Variants in CNTNAP2 observed in about 807,000 individuals in gnomAD.
The protein encoded by CNTNAP2 is contactin associated protein 2.
Under a neutral mutation model 155.2 loss-of-function variants are expected in CNTNAP2, and 98 were observed. That is an observed-to-expected ratio of 0.63 (90% confidence interval 0.54 to 0.75). The LOEUF (loss-of-function observed/expected upper bound fraction) is 0.75, where lower values mean the gene tolerates loss of function less well. Among genes scored for constraint, CNTNAP2 ranks in the 30% least tolerant of loss-of-function variants. CNTNAP2 has a pLI of 0.00. For missense variants in CNTNAP2, 1,727 were observed against 1,688.1 expected (o/e 1.02, Z -0.40); for synonymous variants, 651 against 631.2 (o/e 1.03, Z -0.47).
chr7:147,191,110 G>A (rs1037842007), intron 8 of CNTNAP2, among the ~76,000 whole-genome samples: 1 of 152,158 alleles, frequency 6.6e-6, no homozygotes, highest in Non-Finnish European at 1.5e-5. Flanking sequence ...TAGAATCATA[G>A]AGACAGGGTG....
At chr7:146,368,862 A>G (rs1343357736) in intron 1 of CNTNAP2, among the ~76,000 whole-genome samples, 3 of 150,420 alleles carry the variant, frequency 2.0e-5, no homozygotes, top group African/African-American at 7.3e-5. Context: ...ATATATATAT[A>G]TATAGATGCT....
chr7:147,136,371 G>A (rs1485212998), intron 8 of CNTNAP2, among the ~76,000 whole-genome samples: 1 of 151,930 alleles, frequency 6.6e-6, no homozygotes, highest in Non-Finnish European at 1.5e-5. Context: ...TCGAATGGCT[G>A]TTCAGTGTCC....
intron 4 of CNTNAP2, among the ~76,000 whole-genome samples, chr7:147,070,602 A>C (rs1333891588): frequency 6.6e-6 from 1 of 152,162 alleles, no homozygotes; most frequent in Admixed American, 6.5e-5. Flanking sequence ...TATATAGCCT[A>C]CCTGTGGTTC....
intron 21 of CNTNAP2, among the ~76,000 whole-genome samples, chr7:148,373,262 C>G (rs1167749784): frequency 6.6e-6 from 1 of 152,004 alleles, no homozygotes; most frequent in Non-Finnish European, 1.5e-5. Flanking sequence ...TCGAGACCAG[C>G]CTGGCCAACG....
At chr7:146,967,193 G>C (rs1291944685) in intron 3 of CNTNAP2, among the ~76,000 whole-genome samples, 1 of 152,092 alleles carries the variant, frequency 6.6e-6, no homozygotes, top group Non-Finnish European at 1.5e-5. Flanking sequence ...GATGTCAGGT[G>C]GAAAATATGA....
chr7:147,137,220 A>T (rs1027149086), intron 8 of CNTNAP2, among the ~76,000 whole-genome samples: 5 of 151,324 alleles, frequency 3.3e-5, no homozygotes, highest in African/African-American at 1.2e-4. Flanking sequence ...ATGTCATTAT[A>T]AATCACATTT....
intron 12 of CNTNAP2, among the ~76,000 whole-genome samples, chr7:147,598,524 A>G (rs564018600): frequency 2.0e-5 from 3 of 152,138 alleles, no homozygotes; most frequent in African/African-American, 7.2e-5. Flanking sequence ...ATTCTTTTTT[A>G]TGGCTGCATA....
At chr7:148,212,482 A>G (rs1795567859) in intron 18 of CNTNAP2, among the ~76,000 whole-genome samples, 1 of 152,204 alleles carries the variant, frequency 6.6e-6, no homozygotes. Flanking sequence ...TTTTTCTATC[A>G]AAAATGATTA....
chr7:146,168,501 G>T (rs1214684925), intron 1 of CNTNAP2, among the ~76,000 whole-genome samples: 2 of 151,998 alleles, frequency 1.3e-5, no homozygotes, highest in African/African-American at 4.8e-5. Flanking sequence ...TCCCAACCCT[G>T]CCCCTGTATG....
intron 13 of CNTNAP2, among the ~76,000 whole-genome samples, chr7:147,836,783 G>T (rs1447446226): frequency 6.6e-6 from 1 of 152,172 alleles, no homozygotes; most frequent in Non-Finnish European, 1.5e-5. Flanking sequence ...ATAGTATTTA[G>T]CCTTGGATGG....
At chr7:148,299,135 C>T (rs896023917) in intron 21 of CNTNAP2, among the ~76,000 whole-genome samples, 38 of 152,052 alleles carry the variant, frequency 2.5e-4, no homozygotes, top group South Asian at 2.1e-4. Flanking sequence ...GGACTACAGG[C>T]GCCCACGACC....
chr7:146,364,372 A>G (rs1477756466), intron 1 of CNTNAP2, among the ~76,000 whole-genome samples: 2 of 152,200 alleles, frequency 1.3e-5, no homozygotes, highest in African/African-American at 2.4e-5. Flanking sequence ...TATGCAACTC[A>G]CTGCTGACAG....
chr7:147,112,581 G>C (rs1800903089), intron 5 of CNTNAP2, among the ~76,000 whole-genome samples: 2 of 152,068 alleles, frequency 1.3e-5, no homozygotes, highest in African/African-American at 4.8e-5. Context: ...TAATATAAAG[G>C]GATGTTGAAT....
chr7:147,599,339 A>G (rs1400904283), intron 12 of CNTNAP2, among the ~76,000 whole-genome samples: 1 of 151,822 alleles, frequency 6.6e-6, no homozygotes, highest in Non-Finnish European at 1.5e-5. Flanking sequence ...AAAATTAAAA[A>G]AAAAAATTAG....
At chr7:148,358,419 T>C (rs958763130) in intron 21 of CNTNAP2, among the ~76,000 whole-genome samples, 1 of 151,908 alleles carries the variant, frequency 6.6e-6, no homozygotes, top group Non-Finnish European at 1.5e-5. Context: ...TTGAGGGAAA[T>C]GGGAGACGGG....
intron 10 of CNTNAP2, among the ~76,000 whole-genome samples, chr7:147,476,230 C>T (rs1454307847): frequency 6.6e-6 from 1 of 152,054 alleles, no homozygotes; most frequent in Non-Finnish European, 1.5e-5. Context: ...CTCAGCCTCC[C>T]GAGTAGCTGG....
chr7:146,248,561 A>T (rs902676879), intron 1 of CNTNAP2, among the ~76,000 whole-genome samples: 5 of 152,256 alleles, frequency 3.3e-5, no homozygotes, highest in African/African-American at 1.2e-4. Context: ...AAAGGAATTG[A>T]AATTAAAAGA....
chr7:146,589,930 G>A (rs1055064218), intron 1 of CNTNAP2, among the ~76,000 whole-genome samples: 1 of 152,208 alleles, frequency 6.6e-6, no homozygotes, highest in African/African-American at 2.4e-5. Flanking sequence ...ATAGAATAGA[G>A]CACAAAAGAG....
At chr7:146,687,928 T>C (rs917049486) in intron 1 of CNTNAP2, among the ~76,000 whole-genome samples, 1 of 152,184 alleles carries the variant, frequency 6.6e-6, no homozygotes, top group African/African-American at 2.4e-5. Flanking sequence ...CAAGTGGTTT[T>C]ACATTACTAA....
Sources: allele counts gnomAD v4.1 joint callset (sites outside exome capture counted in the v4.1 genomes callset), GRCh38; gene constraint gnomAD v4.1.1; transcripts MANE v1.5; gene names NCBI Gene and HGNC (gene_info 2026-07-23, HGNC 2026-07-21).